TPO: variants seen among roughly 807,000 people sequenced by gnomAD.
TPO encodes thyroid peroxidase.
A neutral mutation model predicts 96.9 loss-of-function variants in TPO; 78 were observed. The ratio of observed to expected loss-of-function variants is 0.81; its 90% CI spans 0.67 to 0.97. The LOEUF (loss-of-function observed/expected upper bound fraction) is 0.97. Ranked by LOEUF, TPO falls within the 50% of genes least tolerant of loss-of-function variation. TPO has a pLI of 0.00. For synonymous variants in TPO, 547 were observed against 538.0 expected, an observed-to-expected ratio of 1.02 and a Z score of -0.23; for missense variants, 1,252 against 1,274.8, an observed-to-expected ratio of 0.98 and a Z score of 0.27.
At chr2:1,541,162 T>G in intron 16 of TPO, 1 of 1,176,620 alleles carries the variant, frequency 8.5e-7, no homozygotes, top group Non-Finnish European at 1.1e-6. Flanking sequence ...GGAGGCCATA[T>G]CAAAAACTCA....
intron 7 of TPO, among the ~76,000 whole-genome samples, chr2:1,466,814 T>C (rs1668940207): frequency 6.6e-6 from 1 of 152,194 alleles, no homozygotes; most frequent in Admixed American, 6.5e-5. Flanking sequence ...ATTTTATTTA[T>C]CTTTTCAAAG....
chr2:1,414,252 G>A (rs1662649088), intron 1 of TPO, 156 bp from the exon 2 acceptor site: 4 of 716,924 alleles, frequency 5.6e-6, no homozygotes, highest in Non-Finnish European at 9.8e-6. Context: ...GGCGACTCTG[G>A]TCTCGCAGAC....
intron 5 of TPO, among the ~76,000 whole-genome samples, chr2:1,446,344 A>G (rs7602540): frequency 6.6e-6 from 1 of 152,038 alleles, no homozygotes; most frequent in South Asian, 2.1e-4. Flanking sequence ...GGAGACACTC[A>G]TCGTTACAGG....
intron 6 of TPO, 112 bp from the exon 7 acceptor site, chr2:1,455,964 C>T (rs1667745898): frequency 9.1e-7 from 1 of 1,099,060 alleles, no homozygotes. Context: ...CCTAGGGGCA[C>T]CTGGAGCTCT....
At chr2:1,526,325 C>G (rs1293955073) in intron 15 of TPO, among the ~76,000 whole-genome samples, 1 of 96,100 alleles carries the variant, frequency 1.0e-5, no homozygotes, top group East Asian at 3.5e-4. Context: ...AGCAAAACCA[C>G]AAATCCCCCC....
chr2:1,526,013 A>C (rs1397805559), intron 15 of TPO, among the ~76,000 whole-genome samples: 3 of 96,024 alleles, frequency 3.1e-5, no homozygotes, highest in East Asian at 3.5e-4. Flanking sequence ...CACTGTGTGC[A>C]ACCTCCCCAA....
intron 1 of TPO, among the ~76,000 whole-genome samples, chr2:1,396,760 C>G (rs1200077202): frequency 6.6e-6 from 1 of 152,146 alleles, no homozygotes; most frequent in Non-Finnish European, 1.5e-5. Flanking sequence ...CCAGCTGGCC[C>G]GCCTAGGACC....
chr2:1,505,536 C>A (rs1022544810), intron 14 of TPO, among the ~76,000 whole-genome samples: 2 of 135,906 alleles, frequency 1.5e-5, no homozygotes, highest in African/African-American at 5.6e-5. Flanking sequence ...CACAACCCCC[C>A]TCCTGTGTCA....
At chr2:1,445,377 C>G (rs1206211639) in intron 5 of TPO, among the ~76,000 whole-genome samples, 1 of 79,728 alleles carries the variant, frequency 1.3e-5, no homozygotes, top group Non-Finnish European at 2.5e-5. Context: ...GAGCAGGCTC[C>G]TTCTTGTTTG....
intron 15 of TPO, among the ~76,000 whole-genome samples, chr2:1,536,662 A>C (rs1679724806): frequency 5.9e-5 from 2 of 34,098 alleles, no homozygotes; most frequent in African/African-American, 1.2e-4. Context: ...ACTGTGTGCA[A>C]CCTCCCCAGA....
At chr2:1,504,108 G>A (rs777966785) in intron 14 of TPO, 29 bp downstream of exon 14, 43 of 1,613,084 alleles carry the variant, frequency 2.7e-5, no homozygotes, top group Admixed American at 2.0e-4. Context: ...CTCTCTGTCC[G>A]TCCATTTGCG....
At chr2:1,537,242 C>T (rs1162571002) in intron 15 of TPO, among the ~76,000 whole-genome samples, 3 of 32,914 alleles carry the variant, frequency 9.1e-5, no homozygotes, top group Non-Finnish European at 1.6e-4. Flanking sequence ...CCAACTGTTT[C>T]GAACCACCTC....
chr2:1,477,148 C>T lies in TPO; in HGVS notation c.882C>T (p.Ala294=), dbSNP rs1670030752. ...GTCTGCCCTTCTACCGCTCTTCGGC[C>T]GCCTGCGGCACCGGGGACCAAGGCG... is the stretch of plus-strand genomic sequence containing the variant. ...TACLPFYRSS[A]ACGTGDQGAL... Residue 294 remains alanine, a synonymous_variant, in exon 8 of 17, where the codon GCC becomes GCT. Transcript: ENST00000329066. The T allele has an allele frequency of 1.2e-6, 2 of 1,610,460 alleles. No homozygotes were observed. The highest frequency in any genetic ancestry group is 1.7e-6 in the Non-Finnish European group (2 of 1,179,192).
intron 3 of TPO, among the ~76,000 whole-genome samples, chr2:1,424,100 A>T (rs530631911): frequency 1.3e-5 from 2 of 152,222 alleles, no homozygotes; most frequent in South Asian, 4.1e-4. Context: ...GGTCCTGAGG[A>T]CATGTGCCCA....
intron 7 of TPO, among the ~76,000 whole-genome samples, chr2:1,460,942 G>A (rs572310008): frequency 1.3e-5 from 2 of 152,312 alleles, no homozygotes; most frequent in Non-Finnish European, 1.5e-5. Context: ...CTGGAGTTTC[G>A]CTGGTTTGGG....
upstream of TPO, among the ~76,000 whole-genome samples, chr2:1,411,364 C>T (rs1453439853): frequency 6.6e-6 from 1 of 152,148 alleles, no homozygotes; most frequent in Non-Finnish European, 1.5e-5. Context: ...TGTGCCGGCT[C>T]GGCCTCCCCC....
chr2:1,438,568 AC>A (rs1553303515), intron 5 of TPO, among the ~76,000 whole-genome samples: 60 of 134,674 alleles, frequency 4.5e-4, no homozygotes, highest in Middle Eastern at 7.2e-3. Flanking sequence ...CCCAGGGGCC[AC>A]CCCCCACCCA....
chr2:1,526,859 C>G (rs1430802331), intron 15 of TPO, among the ~76,000 whole-genome samples: 2 of 143,234 alleles, frequency 1.4e-5, no homozygotes, highest in African/African-American at 5.3e-5. Context: ...TGCAACCTCC[C>G]CAAATCCCCT....
chr2:1,431,950 G>A (rs1250041511), intron 3 of TPO, among the ~76,000 whole-genome samples: 3 of 152,240 alleles, frequency 2.0e-5, no homozygotes, highest in East Asian at 3.9e-4. Context: ...TCTGACACTC[G>A]CACACCTGCC....
Sources: allele counts gnomAD v4.1 joint callset (sites outside exome capture counted in the v4.1 genomes callset), GRCh38; gene constraint gnomAD v4.1.1; transcripts MANE v1.5; gene names NCBI Gene and HGNC (gene_info 2026-07-23, HGNC 2026-07-21).